Variants in PPARD observed in about 807,000 individuals in gnomAD.
PPARD encodes peroxisome proliferator-activated receptor delta.
A neutral mutation model predicts 39.5 loss-of-function variants in PPARD; 6 were observed. The ratio of observed to expected loss-of-function variants is 0.15; its 90% CI spans 0.08 to 0.30. The LOEUF is 0.30. Ranked by LOEUF, PPARD falls within the 10% of genes least tolerant of loss-of-function variation. The probability of loss-of-function intolerance (pLI) is 1.00; values close to 1 mark genes in which losing one functional copy is unlikely to be tolerated. For missense variants in PPARD, 397 were observed against 596.8 expected, an observed-to-expected ratio of 0.67 and a Z score of 3.49; for synonymous variants, 210 against 231.3, an observed-to-expected ratio of 0.91 and a Z score of 0.83.
intron 2 of PPARD, among the ~76,000 whole-genome samples, chr6:35,358,798 A>C (rs1431914083): frequency 6.6e-6 from 1 of 152,158 alleles, no homozygotes; most frequent in African/African-American, 2.4e-5. Flanking sequence ...CTCCTCTTCC[A>C]TTTATTCAAT....
At chr6:35,350,464 T>A (rs1333105477) in intron 2 of PPARD, among the ~76,000 whole-genome samples, 1 of 152,184 alleles carries the variant, frequency 6.6e-6, no homozygotes, top group Admixed American at 6.5e-5. Flanking sequence ...TTCATCTCCA[T>A]ATGAATATCC....
chr6:35,378,337 G>A (rs553686161), intron 2 of PPARD, among the ~76,000 whole-genome samples: 30 of 152,250 alleles, frequency 2.0e-4, no homozygotes, highest in Non-Finnish European at 3.1e-4. Context: ...GGTATGGGAC[G>A]CAGAGGCAGG....
chr6:35,373,466 T>G (rs948208073), intron 2 of PPARD, among the ~76,000 whole-genome samples: 2 of 152,188 alleles, frequency 1.3e-5, no homozygotes, highest in Non-Finnish European at 2.9e-5. Flanking sequence ...CCTGTAATTA[T>G]GTAACAAGGG....
At chr6:35,368,116 A>G (rs1007484126) in intron 2 of PPARD, among the ~76,000 whole-genome samples, 3 of 151,956 alleles carry the variant, frequency 2.0e-5, no homozygotes, top group African/African-American at 7.3e-5. Flanking sequence ...GAGAGGGCTG[A>G]TTTTTCTTGT....
chr6:35,386,356 C>T (rs1352505466), intron 2 of PPARD, among the ~76,000 whole-genome samples: 6 of 137,602 alleles, frequency 4.4e-5, no homozygotes, highest in Non-Finnish European at 6.1e-5. Context: ...CCAGGTGTGG[C>T]AGTACACACC....
intron 2 of PPARD, among the ~76,000 whole-genome samples, chr6:35,384,108 G>A (rs866952741): frequency 0.028 from 3,849 of 139,010 alleles, 9 homozygotes; most frequent in African/African-American, 0.084. Flanking sequence ...CCTCCCGCCC[G>A]GCCAGCCGCC....
At chr6:35,373,779 C>T (rs971094058) in intron 2 of PPARD, among the ~76,000 whole-genome samples, 6 of 152,018 alleles carry the variant, frequency 3.9e-5, no homozygotes, top group Non-Finnish European at 7.4e-5. Flanking sequence ...GCAATCCTCA[C>T]ACCTCAGCTT....
chr6:35,384,818 C>G (rs1291349341), intron 2 of PPARD, among the ~76,000 whole-genome samples: 8 of 64,280 alleles, frequency 1.2e-4, no homozygotes, highest in African/African-American at 4.6e-4. Flanking sequence ...GCCAGCCGCC[C>G]CGTCCGGGAG....
Position 35,349,430 on chromosome 6 carries a change from G to C in PPARD, c.-102+2280G>C, listed in dbSNP as rs545616337. Among the ~76,000 whole-genome samples the C allele has an allele frequency of 2.9e-3, 434 of 152,278 alleles. 1 individual carries two copies. Among genetic ancestry groups the C allele is most frequent in the African/African-American group, 6.2e-3 (258 of 41,548 alleles). ...ATTGGAAGAAGAATTATTATCTTGG[G>C]CTATACATAAAATACACTAACACTA... On this transcript the variant is annotated intron_variant, in intron 2 of 7. Transcript: ENST00000360694.
chr6:35,371,863 C>T (rs917990528), intron 2 of PPARD, among the ~76,000 whole-genome samples: 10 of 152,246 alleles, frequency 6.6e-5, no homozygotes, highest in Admixed American at 2.0e-4. Flanking sequence ...GACTGTACTT[C>T]TAGTCCACAC....
At chr6:35,384,982 G>A (rs1196865676) in intron 2 of PPARD, among the ~76,000 whole-genome samples, 1 of 128,196 alleles carries the variant, frequency 7.8e-6, no homozygotes, top group East Asian at 2.3e-4. Flanking sequence ...GCCCCCCGCC[G>A]GGCCAGCCGC....
intron 2 of PPARD, among the ~76,000 whole-genome samples, chr6:35,355,595 CTTCTTTTTTTTTTTTTTTT>C (rs774817064): frequency 0.051 from 2,585 of 50,476 alleles, 126 homozygotes; most frequent in African/African-American, 0.15. Context: ...TCTTCTTCTT[CTTCTTTTTTTTTTTTTTTT>C]TTTTTTTTTT....
intron 2 of PPARD, among the ~76,000 whole-genome samples, chr6:35,381,789 T>G (rs1763169822): frequency 6.6e-6 from 1 of 152,204 alleles, no homozygotes; most frequent in Non-Finnish European, 1.5e-5. Context: ...GAATGGATAT[T>G]GTGTAAACAA....
In PPARD at chr6:35,415,929, G is replaced by C. The variant is rs117499530; in HGVS notation, c.131-4198G>C. On this transcript the variant is annotated intron_variant, in intron 3 of 7. Coordinates refer to ENST00000360694, the MANE Select transcript of PPARD (RefSeq NM_006238.5). ...ATGTTGCAGCTCAAGTCCAAAGGCAGCCTGGAGGCAGAATTTCCTGTTCCA... is the reference window on the plus strand; with the variant it reads ...ATGTTGCAGCTCAAGTCCAAAGGCACCCTGGAGGCAGAATTTCCTGTTCCA... Among the ~76,000 whole-genome samples, 12 of 152,276 alleles carry C rather than the reference G, an allele frequency of 7.9e-5. No individual in the cohort carries two copies. The East Asian group carries it at 1.9e-3, about 24-fold the overall frequency.
chr6:35,394,678 G>T (rs1764208848), intron 2 of PPARD, among the ~76,000 whole-genome samples: 1 of 151,812 alleles, frequency 6.6e-6, no homozygotes, highest in Admixed American at 6.6e-5. Flanking sequence ...GGCTGAGGTG[G>T]GAGAATCACT....
intron 2 of PPARD, among the ~76,000 whole-genome samples, chr6:35,379,369 T>C (rs1763004765): frequency 1.3e-5 from 2 of 152,194 alleles, no homozygotes; most frequent in African/African-American, 4.8e-5. Context: ...CCCAAAGTGC[T>C]GGTATTACAG....
At chr6:35,350,433 A>G (rs1761166668) in intron 2 of PPARD, among the ~76,000 whole-genome samples, 1 of 152,066 alleles carries the variant, frequency 6.6e-6, no homozygotes, top group South Asian at 2.1e-4. Context: ...GTGGATGGCA[A>G]GAGGTAGGGG....
At chr6:35,384,997 T>A (rs576279237) in intron 2 of PPARD, among the ~76,000 whole-genome samples, 2,692 of 132,712 alleles carry the variant, frequency 0.02, 46 homozygotes, top group African/African-American at 0.084. Context: ...AGCCGCCCCG[T>A]CCGGGAGGGA....
At chr6:35,421,451 C>T (rs1458985312) in intron 4 of PPARD, among the ~76,000 whole-genome samples, 3 of 152,030 alleles carry the variant, frequency 2.0e-5, no homozygotes, top group Non-Finnish European at 4.4e-5. Context: ...GATTCCCCTG[C>T]CTCAGCCTCC....
Sources: allele counts gnomAD v4.1 joint callset (sites outside exome capture counted in the v4.1 genomes callset), GRCh38; gene constraint gnomAD v4.1.1; transcripts MANE v1.5; gene names NCBI Gene and HGNC (gene_info 2026-07-23, HGNC 2026-07-21).